Variants in RNF217 observed in about 807,000 individuals in gnomAD.
RNF217 encodes ring finger protein 217.
A neutral mutation model predicts 57.8 loss-of-function variants in RNF217; 31 were observed. The ratio of observed to expected loss-of-function variants is 0.54; its 90% CI spans 0.40 to 0.72. The LOEUF (loss-of-function observed/expected upper bound fraction) is 0.72, where lower values mean the gene tolerates loss of function less well. Among genes scored for constraint, RNF217 ranks in the 30% least tolerant of loss-of-function variants. RNF217 has a pLI of 0.00. For missense variants in RNF217, 696 were observed against 708.3 expected (o/e 0.98, Z 0.20); for synonymous variants, 313 against 294.0 (o/e 1.06, Z -0.66).
chr6:124,972,985 C>T, intron 1 of RNF217, among the ~76,000 whole-genome samples: 1 of 152,188 alleles, frequency 6.6e-6, no homozygotes, highest in East Asian at 1.9e-4. Flanking sequence ...AATTTCCTAA[C>T]ACTTTGTGTG....
chr6:124,991,612 G>A (rs1784564079), intron 1 of RNF217, among the ~76,000 whole-genome samples: 2 of 152,148 alleles, frequency 1.3e-5, no homozygotes, highest in African/African-American at 4.8e-5. Flanking sequence ...GATTCATGAG[G>A]CCTGAGTGCT....
intron 1 of RNF217, among the ~76,000 whole-genome samples, chr6:124,984,166 C>T (rs759504670): frequency 6.6e-6 from 1 of 152,136 alleles, no homozygotes; most frequent in Non-Finnish European, 1.5e-5. Context: ...TAGGTACAAA[C>T]AAATTACTGG....
chr6:125,047,099 A>G (rs536243306), intron 2 of RNF217, among the ~76,000 whole-genome samples: 1 of 152,224 alleles, frequency 6.6e-6, no homozygotes, highest in African/African-American at 2.4e-5. Context: ...TCAGGAAATT[A>G]CTAGTTTTAG....
At chr6:125,081,368 G>A in intron 4 of RNF217, 68 bp from the exon 5 acceptor site, 2 of 1,147,694 alleles carry the variant, frequency 1.7e-6, no homozygotes, top group East Asian at 2.4e-5. Context: ...TATTTAAAAA[G>A]CATCACTGTA....
intron 3 of RNF217, among the ~76,000 whole-genome samples, chr6:125,066,379 G>C (rs560642930): frequency 1.3e-5 from 2 of 152,232 alleles, no homozygotes; most frequent in Non-Finnish European, 2.9e-5. Context: ...CCCACTCTGT[G>C]ACTCCTCTAG....
rs138330071 is a variant in RNF217, at chr6:124,967,149, A to G, written c.882+3723A>G. ...TTGCTCGTGTACATAAATCTGGAAC[A>G]TTCATTTCAGAAGTACATTTCCCAG... is the stretch of plus-strand genomic sequence containing the variant. On this transcript the variant is annotated intron_variant, in intron 1 of 5. Transcript: ENST00000521654. 8.5e-5 allele frequency among the ~76,000 whole-genome samples: 13 copies of G among 152,326 alleles called. No homozygotes were observed. The East Asian group carries it at 2.5e-3, about 29-fold the overall frequency.
intron 1 of RNF217, chr6:125,009,204 G>T: frequency 6.3e-7 from 1 of 1,594,224 alleles, no homozygotes; most frequent in South Asian, 1.2e-5. Context: ...TAAAGATAAA[G>T]AGTAGGAGAA....
intron 3 of RNF217, among the ~76,000 whole-genome samples, chr6:125,075,528 C>T (rs117395327): frequency 6.6e-6 from 1 of 152,194 alleles, no homozygotes; most frequent in East Asian, 1.9e-4. Flanking sequence ...ACTATCAGAA[C>T]TTCTGAGACT....
intron 1 of RNF217, among the ~76,000 whole-genome samples, chr6:125,019,778 G>A (rs1417245545): frequency 6.6e-6 from 1 of 150,784 alleles, no homozygotes; most frequent in Non-Finnish European, 1.5e-5. Context: ...TGAAGCCCTT[G>A]GCCTCCTGGA....
intron 2 of RNF217, among the ~76,000 whole-genome samples, 192 bp from the exon 3 acceptor site, chr6:125,057,750 A>C (rs776535340): frequency 6.6e-6 from 1 of 152,190 alleles, no homozygotes; most frequent in Non-Finnish European, 1.5e-5. Context: ...CAAATAGCCA[A>C]GTCATCCTTG....
rs1787590681 is a variant in RNF217 at position 125,058,120 on chromosome 6, T to C, written c.1281+14T>C. 1 of 1,600,484 alleles carries C rather than the reference T, an allele frequency of 6.2e-7. No homozygotes were observed. Among genetic ancestry groups the C allele is most frequent in the Non-Finnish European group, 8.5e-7 (1 of 1,173,382 alleles). The stretch of plus-strand genomic sequence containing the variant: ...CCAAAGTGCAAGGTGAGATAACTTT[T>C]AGGAGGAAAAGAAAAAACATGTACA... On this transcript the variant is annotated intron_variant, in intron 3 of 5. Transcript: ENST00000521654.
At chr6:125,076,154 A>T (rs1582780972) in intron 3 of RNF217, among the ~76,000 whole-genome samples, 1 of 152,200 alleles carries the variant, frequency 6.6e-6, no homozygotes, top group African/African-American at 2.4e-5. Context: ...AAGGTATTGC[A>T]AATACATTTA....
At chr6:124,965,180 G>T (rs959366223) in intron 1 of RNF217, among the ~76,000 whole-genome samples, 1 of 152,204 alleles carries the variant, frequency 6.6e-6, no homozygotes, top group Non-Finnish European at 1.5e-5. Flanking sequence ...AAACTCCTCT[G>T]CAGTGACACA....
rs116513403 is a variant in RNF217, at chr6:125,085,462, A to T, written c.*2525A>T. ...GAATTTTTTACTAAGTTTCATCAAG[A>T]TCTTAAAAAGAGAGAAGAAAATAAA... On this transcript the variant is annotated 3_prime_UTR_variant, in exon 6 of 6. Transcript: ENST00000521654. The T allele has an allele frequency of 3.3e-5, 5 of 152,006 alleles. No homozygotes were observed. The highest frequency in any genetic ancestry group is 3.4e-3 in the Middle Eastern group (1 of 294). The allele number at this position is 152,006 out of a possible 1,614,324, so 9.4% of individuals were successfully genotyped here. A position where few individuals can be genotyped will look rare whatever the true frequency, so the allele number is the denominator to read the frequency against.
intron 3 of RNF217, among the ~76,000 whole-genome samples, chr6:125,058,791 G>C (rs893598810): frequency 2.6e-5 from 4 of 152,142 alleles, no homozygotes; most frequent in African/African-American, 9.7e-5. Context: ...CTTTGGACTT[G>C]ATGTCTATAG....
rs187531473 is a variant in RNF217 at position 125,046,727 on chromosome 6, G to A, written c.1116+1283G>A. The A allele has an allele frequency of 8.6e-5, 39 of 455,070 alleles. No individual in the cohort carries two copies. In the East Asian group the frequency reaches 2.7e-3, roughly 32 times the overall value. The allele number at this position is 455,070 out of a possible 1,614,324, so 28.2% of individuals were successfully genotyped here. A position where few individuals can be genotyped will look rare whatever the true frequency, so the allele number is the denominator to read the frequency against. On this transcript the variant is annotated intron_variant, in intron 2 of 5. Coordinates refer to ENST00000521654, the MANE Select transcript of RNF217 (RefSeq NM_001286398.3). ...TACATTATTCATTTTGTAGCTTTGAGGGGACCATGGTTTAGCAGGTAGTTT... is the reference window on the plus strand; with the variant it reads ...TACATTATTCATTTTGTAGCTTTGAAGGGACCATGGTTTAGCAGGTAGTTT...
intron 1 of RNF217, among the ~76,000 whole-genome samples, chr6:124,999,496 A>G (rs1166071528): frequency 6.6e-6 from 1 of 151,344 alleles, no homozygotes; most frequent in Admixed American, 6.6e-5. Context: ...GTTCAAACTC[A>G]TTGTTATGTT....
intron 3 of RNF217, among the ~76,000 whole-genome samples, chr6:125,065,030 C>A (rs1035126540): frequency 2.0e-5 from 3 of 151,960 alleles, no homozygotes; most frequent in African/African-American, 7.3e-5. Context: ...AATCCCAGCA[C>A]TTTGGGAGGC....
intron 1 of RNF217, among the ~76,000 whole-genome samples, chr6:125,025,876 T>G (rs1264103157): frequency 6.6e-6 from 1 of 152,216 alleles, no homozygotes. Context: ...TGGATTTTTA[T>G]TCTGTCAAGT....
Sources: allele counts gnomAD v4.1 joint callset (sites outside exome capture counted in the v4.1 genomes callset), GRCh38; gene constraint gnomAD v4.1.1; transcripts MANE v1.5; gene names NCBI Gene and HGNC (gene_info 2026-07-23, HGNC 2026-07-21).